The following DOK6 variants were observed in gnomAD, a reference collection of about 807,000 sequenced individuals.
DOK6 encodes docking protein 6.
Under a neutral mutation model 44.0 loss-of-function variants are expected in DOK6, and 22 were observed. The ratio of observed to expected loss-of-function variants is 0.50; its 90% CI spans 0.36 to 0.71. DOK6 has a LOEUF of 0.71. Ranked by LOEUF, DOK6 falls within the 30% of genes least tolerant of loss-of-function variation. The probability of loss-of-function intolerance (pLI) is 0.00; values close to 1 mark genes in which losing one functional copy is unlikely to be tolerated. For synonymous variants in DOK6, 166 were observed against 145.5 expected (o/e 1.14, Z -1.01); for missense variants, 340 against 416.4 (o/e 0.82, Z 1.60).
At chr18:69,841,161 A>C (rs184786490) in intron 7 of DOK6, 83 bp from the exon 8 acceptor site, 5 of 1,522,234 alleles carry the variant, frequency 3.3e-6, no homozygotes, top group Non-Finnish European at 4.5e-6. Context: ...ATAGATAGAT[A>C]GATAATAGAT....
intron 3 of DOK6, among the ~76,000 whole-genome samples, chr18:69,664,779 C>T (rs749934715): frequency 3.1e-4 from 47 of 152,210 alleles, no homozygotes; most frequent in Middle Eastern, 3.2e-3. Context: ...AAAATGCCAT[C>T]TTGCCATGTG....
chr18:69,811,531 T>TATATATAC (rs1981228208), intron 7 of DOK6, among the ~76,000 whole-genome samples: 1 of 13,570 alleles, frequency 7.4e-5, no homozygotes, highest in Non-Finnish European at 2.7e-4. Flanking sequence ...CCATTATATA[T>TATATATAC]ATATATATAT....
At chr18:69,622,554 TA>T (rs1984466858) in intron 3 of DOK6, among the ~76,000 whole-genome samples, 1 of 152,224 alleles carries the variant, frequency 6.6e-6, no homozygotes. Context: ...TTAAATGTAC[TA>T]CTTCTAAGAA....
intron 3 of DOK6, among the ~76,000 whole-genome samples, chr18:69,638,558 T>C (rs1124973): frequency 0.07 from 10,626 of 152,172 alleles, 426 homozygotes; most frequent in Admixed American, 0.1. Flanking sequence ...TATTTTCCAA[T>C]TTGTACCAGA....
At chr18:69,528,162 C>CAAAAA (rs1555710307) in intron 1 of DOK6, among the ~76,000 whole-genome samples, 1 of 70,724 alleles carries the variant, frequency 1.4e-5, no homozygotes, top group Non-Finnish European at 2.9e-5. Context: ...GACTCTGTCT[C>CAAAAA]AAAAAAAAAA....
chr18:69,406,954 G>A (rs148189131), intron 1 of DOK6, among the ~76,000 whole-genome samples: 69 of 152,198 alleles, frequency 4.5e-4, no homozygotes, highest in Middle Eastern at 3.4e-3. Context: ...AGAGGCCAGC[G>A]CCTGTAATTC....
chr18:69,406,115 G>A (rs74431352), intron 1 of DOK6, among the ~76,000 whole-genome samples: 223 of 152,124 alleles, frequency 1.5e-3, no homozygotes, highest in African/African-American at 5.1e-3. Context: ...TATTCCTTAC[G>A]CTGTGTGTAG....
chr18:69,440,697 C>T (rs1257422925), intron 1 of DOK6, among the ~76,000 whole-genome samples: 1 of 152,060 alleles, frequency 6.6e-6, no homozygotes, highest in African/African-American at 2.4e-5. Flanking sequence ...CAATATCTCA[C>T]TTTTCTACAC....
At chr18:69,451,935 C>T (rs1339334687) in intron 1 of DOK6, among the ~76,000 whole-genome samples, 1 of 117,368 alleles carries the variant, frequency 8.5e-6, no homozygotes, top group East Asian at 2.8e-4. Context: ...AAATTTATAG[C>T]ACTAAATGCC....
At chr18:69,560,965 T>C (rs189091083) in intron 1 of DOK6, among the ~76,000 whole-genome samples, 127 of 152,282 alleles carry the variant, frequency 8.3e-4, no homozygotes, top group Middle Eastern at 3.4e-3. Context: ...ATTTTTCTGG[T>C]TGCAAAATAT....
At chr18:69,664,287 C>T (rs1278689089) in intron 3 of DOK6, among the ~76,000 whole-genome samples, 1 of 152,254 alleles carries the variant, frequency 6.6e-6, no homozygotes, top group South Asian at 2.1e-4. Flanking sequence ...TATGATCTTT[C>T]TTTCCAATGA....
intron 3 of DOK6, among the ~76,000 whole-genome samples, chr18:69,615,648 A>C (rs566353736): frequency 2.0e-5 from 3 of 152,246 alleles, no homozygotes; most frequent in Non-Finnish European, 4.4e-5. Flanking sequence ...ACAATTTCAC[A>C]TTGAAGAAAA....
At chr18:69,573,098 G>T (rs12967851) in intron 2 of DOK6, among the ~76,000 whole-genome samples, 141,824 of 151,454 alleles carry the variant, frequency 0.94, 67,133 homozygotes, top group East Asian at 1. Context: ...TAGGGTTTTG[G>T]CCTTGACAGA....
chr18:69,446,587 G>C (rs1979300372), intron 1 of DOK6, among the ~76,000 whole-genome samples: 1 of 152,136 alleles, frequency 6.6e-6, no homozygotes, highest in South Asian at 2.1e-4. Flanking sequence ...TGGGATGGCT[G>C]GGTCAAATGG....
At chr18:69,657,835 C>T (rs77724225) in intron 3 of DOK6, among the ~76,000 whole-genome samples, 136 of 152,304 alleles carry the variant, frequency 8.9e-4, no homozygotes, top group African/African-American at 2.9e-3. Flanking sequence ...CACAAATTAA[C>T]TGGAACCTTT....
chr18:69,580,056 A>C (rs1312886023), intron 2 of DOK6, among the ~76,000 whole-genome samples: 6 of 152,282 alleles, frequency 3.9e-5, no homozygotes, highest in African/African-American at 1.4e-4. Flanking sequence ...GTACAGCTTT[A>C]GTTTTCTTTT....
At chr18:69,836,370 T>A (rs1236018865) in intron 7 of DOK6, among the ~76,000 whole-genome samples, 1 of 152,208 alleles carries the variant, frequency 6.6e-6, no homozygotes, top group Non-Finnish European at 1.5e-5. Flanking sequence ...ATTTTCTTAT[T>A]TATGGAATGG....
chr18:69,755,544 G>A (rs1013255938), intron 6 of DOK6, among the ~76,000 whole-genome samples: 6 of 152,328 alleles, frequency 3.9e-5, no homozygotes, highest in African/African-American at 1.4e-4. Context: ...GTTTAATTAA[G>A]TTTATGCCTC....
At chr18:69,551,506 TACTG>T (rs367971363) in intron 1 of DOK6, among the ~76,000 whole-genome samples, 127 of 152,332 alleles carry the variant, frequency 8.3e-4, no homozygotes, top group African/African-American at 3.0e-3. Context: ...GTAATATTTA[TACTG>T]TCTATCAGAT....
Sources: allele counts gnomAD v4.1 joint callset (sites outside exome capture counted in the v4.1 genomes callset), GRCh38; gene constraint gnomAD v4.1.1; transcripts MANE v1.5; gene names NCBI Gene and HGNC (gene_info 2026-07-23, HGNC 2026-07-21).